MINK1: variants seen among roughly 807,000 people sequenced by gnomAD.
MINK1 encodes misshapen like kinase 1.
In MINK1, 46 loss-of-function variants were observed where a neutral mutation model predicts 178.4. The ratio of observed to expected loss-of-function variants is 0.26; its 90% confidence interval spans 0.20 to 0.33. MINK1 has a LOEUF of 0.33. MINK1 is among the 10% of genes least tolerant of loss of function. The pLI is 1.00. For missense variants in MINK1, 1,366 were observed against 1,814.9 expected, an observed-to-expected ratio of 0.75 and a Z score of 4.49; for synonymous variants, 797 against 709.7, an observed-to-expected ratio of 1.12 and a Z score of -1.96.
chr17:4,887,739 G>A lies in MINK1; in HGVS notation c.1179G>A (p.Gln393=). ...PEAHIKHLLH[Q]RQRRIEEQKE... ...CACACATCAAACACCTGCTGCACCA[G>A]CGGCAGCGGCGCATAGAGGAGCAGA... Residue 393 remains glutamine, a synonymous_variant, in exon 12 of 32, where the codon CAG becomes CAA. Coordinates refer to ENST00000355280, the MANE Select transcript of MINK1 (RefSeq NM_153827.5). The surrounding 1 kb of genome is among the most constrained non-coding windows in gnomAD (Gnocchi z 7.6). 1.9e-6 allele frequency: 3 copies of A among 1,549,390 alleles called. No individual in the cohort carries two copies. Among genetic ancestry groups the A allele is most frequent in the Non-Finnish European group, 2.6e-6 (3 of 1,147,166 alleles).
At chr17:4,865,115 T>C (rs1282348815) in intron 1 of MINK1, among the ~76,000 whole-genome samples, 1 of 152,148 alleles carries the variant, frequency 6.6e-6, no homozygotes, top group African/African-American at 2.4e-5. Context: ...TTTTCTGTTT[T>C]ACATGAGATG....
At chr17:4,835,597 A>G (rs1909190625) in intron 1 of MINK1, among the ~76,000 whole-genome samples, 1 of 152,228 alleles carries the variant, frequency 6.6e-6, no homozygotes, top group Non-Finnish European at 1.5e-5. Flanking sequence ...ACTGCACTCC[A>G]GCTTGGGCGA....
In MINK1 at chr17:4,833,588, G is replaced by A. The variant is rs1310658628; in HGVS notation, c.5G>A (p.Gly2Asp). The part of the protein sequence containing the change: M[G>D]DPAPARSLDD... ...GCCCCGTTCCCCACGGAGGCCATGG[G>A]CGACCCAGCCCCCGCCCGCAGCCTG... The change falls in exon 1 of 32, where the codon GGC (glycine) becomes GAC (aspartate). Residue 2 changes from glycine (G) to aspartate (D), a missense_variant. Transcript: ENST00000355280. The surrounding 1 kb of genome is among the most constrained non-coding windows in gnomAD (Gnocchi z 4.8). 1.1e-5 allele frequency: 16 copies of A among 1,500,308 alleles called. No homozygotes were observed. Among genetic ancestry groups the A allele is most frequent in the Non-Finnish European group, 1.3e-5 (15 of 1,131,164 alleles). The allele number at this position is 1,500,308 out of a possible 1,614,324, so 92.9% of individuals were successfully genotyped here. A position where few individuals can be genotyped will look rare whatever the true frequency, so the allele number is the denominator to read the frequency against.
Position 4,890,683 on chromosome 17 carries a change from A to G in MINK1, c.1514A>G (p.Tyr505Cys). ...CTGCCTGGGGACAGGAAGCCCCTGT[A>G]CCATTATGGTCGGGGCATGAATCCC... ...QLLPGDRKPL[Y>C]HYGRGMNPAD... Residue 505 changes from tyrosine to cysteine, a missense_variant, in exon 14 of 32, where the codon TAC becomes TGC. By Grantham distance (194) the Tyr-to-Cys change is radical (BLOSUM62 -2). Transcript: ENST00000355280. The G allele has an allele frequency of 6.4e-7, 1 of 1,550,808 alleles. No homozygotes were observed. Among genetic ancestry groups the G allele is most frequent in the Non-Finnish European group, 8.7e-7 (1 of 1,146,982 alleles).
intron 12 of MINK1, among the ~76,000 whole-genome samples, chr17:4,888,719 G>GT (rs1968468174): frequency 8.1e-6 from 1 of 123,914 alleles, no homozygotes; most frequent in Admixed American, 8.8e-5. Context: ...TTGAGATGGA[G>GT]TTTTGCTCTT....
At chr17:4,848,131 C>T (rs962635829) in intron 1 of MINK1, among the ~76,000 whole-genome samples, 1 of 152,164 alleles carries the variant, frequency 6.6e-6, no homozygotes, top group Admixed American at 6.5e-5. Context: ...ACTCCAGAGA[C>T]GGTTTCCTGA....
intron 1 of MINK1, among the ~76,000 whole-genome samples, chr17:4,867,467 TAGTG>T (rs1489744329): frequency 3.3e-5 from 5 of 151,388 alleles, no homozygotes; most frequent in East Asian, 2.0e-4. Context: ...CTGGGCAACA[TAGTG>T]AGACCTAGCT....
At chr17:4,849,632 G>C (rs1324620920) in intron 1 of MINK1, among the ~76,000 whole-genome samples, 1 of 152,156 alleles carries the variant, frequency 6.6e-6, no homozygotes, top group African/African-American at 2.4e-5. Flanking sequence ...GAGTGCAATG[G>C]TGCGATCTTG....
rs184353610 is a variant in MINK1, at chr17:4,840,700, A to T, written c.57+7060A>T. Among the ~76,000 whole-genome samples the T allele has an allele frequency of 3.5e-3, 535 of 152,334 alleles. 1 individual carries two copies. The highest frequency in any genetic ancestry group is 6.5e-3 in the Non-Finnish European group (444 of 68,036). ...CTTTCTAACATTGGATAGATAGTGT[A>T]TATAAATAGACAAGACTCTCCATTT... On this transcript the variant is annotated intron_variant, in intron 1 of 31. Transcript: ENST00000355280.
chr17:4,845,932 G>A (rs967554802), intron 1 of MINK1, among the ~76,000 whole-genome samples: 7 of 152,212 alleles, frequency 4.6e-5, no homozygotes, highest in South Asian at 2.1e-4. Flanking sequence ...GTGAGCCACC[G>A]CATGTGGCTG....
intron 1 of MINK1, among the ~76,000 whole-genome samples, chr17:4,851,247 C>T (rs980121509): frequency 2.0e-5 from 3 of 152,124 alleles, no homozygotes; most frequent in Non-Finnish European, 4.4e-5. Flanking sequence ...GTTTCCACAT[C>T]GGTGAATTCT....
intron 1 of MINK1, among the ~76,000 whole-genome samples, chr17:4,862,507 T>G (rs1914317911): frequency 1.3e-5 from 2 of 151,940 alleles, no homozygotes; most frequent in African/African-American, 4.8e-5. Context: ...ATACAAAAAC[T>G]AGCCTGGCGT....
At chr17:4,840,733 AT>A (rs1168834895) in intron 1 of MINK1, among the ~76,000 whole-genome samples, 1 of 152,212 alleles carries the variant, frequency 6.6e-6, no homozygotes, top group Non-Finnish European at 1.5e-5. Context: ...TTTACATTGT[AT>A]ACAAGTAAAG....
intron 20 of MINK1, 136 bp downstream of exon 20, chr17:4,893,203 T>C: frequency 6.4e-7 from 1 of 1,568,610 alleles, no homozygotes; most frequent in Non-Finnish European, 8.7e-7. Flanking sequence ...GTGCTTCTCA[T>C]GGTGCTAACC....
chr17:4,848,981 T>C (rs895771362), intron 1 of MINK1, among the ~76,000 whole-genome samples: 8 of 152,172 alleles, frequency 5.3e-5, no homozygotes, highest in Admixed American at 3.3e-4. Context: ...CCTGGGGTTC[T>C]TTAACATTCC....
Position 4,895,100 on chromosome 17 carries a change from G to C in MINK1, c.2943G>C (p.Arg981=). 1 of 1,613,612 alleles carries C rather than the reference G, an allele frequency of 6.2e-7. No homozygotes were observed. Among genetic ancestry groups the C allele is most frequent in the Non-Finnish European group, 8.5e-7 (1 of 1,180,002 alleles). Residue 981 remains arginine, a synonymous_variant, in exon 25 of 32, where the codon CGG becomes CGC. Transcript: ENST00000355280. The surrounding 1 kb of genome is among the most constrained non-coding windows in gnomAD (Gnocchi z 4.3). Reference sequence around the variant, plus strand: ...CCCTAGTGGGTGGAGAGGGCACTCGGCTCGACCAGCTGCAGTACGACGTGA... The same window carrying C: ...CCCTAGTGGGTGGAGAGGGCACTCGCCTCGACCAGCTGCAGTACGACGTGA... ...ITALVGGEGT[R]LDQLQYDVRK...
At chr17:4,843,600 TGC>T in intron 1 of MINK1, among the ~76,000 whole-genome samples, 1 of 152,262 alleles carries the variant, frequency 6.6e-6, no homozygotes, top group African/African-American at 2.4e-5. Context: ...TATATTATGA[TGC>T]AGATTCATTT....
intron 1 of MINK1, among the ~76,000 whole-genome samples, chr17:4,843,952 C>T (rs1285699921): frequency 6.6e-6 from 1 of 152,110 alleles, no homozygotes; most frequent in Non-Finnish European, 1.5e-5. Context: ...CAGTGTGTAG[C>T]TGGCACTCTA....
In MINK1 at chr17:4,886,426, C is replaced by T. The variant is rs372962419; in HGVS notation, c.774-25C>T. 1 of 1,586,290 alleles carries T rather than the reference C, an allele frequency of 6.3e-7. No homozygotes were observed. The highest frequency in any genetic ancestry group is 8.6e-7 in the Non-Finnish European group (1 of 1,165,200). ...CCCATCCCTTCTGAGGGGACCCTCC[C>T]AGTGTGAGCCACCACTGTTTCCAGG... On this transcript the variant is annotated intron_variant, in intron 9 of 31. Coordinates refer to ENST00000355280, the MANE Select transcript of MINK1 (RefSeq NM_153827.5). The surrounding 1 kb of genome is among the most constrained non-coding windows in gnomAD (Gnocchi z 6.1).
Sources: gnomAD v4.1 joint callset for allele counts (sites outside exome capture counted in the v4.1 genomes callset) on GRCh38, gnomAD v4.1.1 for gene constraint, Gnocchi (gnomAD v3.1) non-coding constraint, MANE v1.5 for transcripts, NCBI Gene and HGNC (gene_info 2026-07-23, HGNC 2026-07-21) for gene names.